The following TCEA2 variants were observed in gnomAD, a reference collection of about 807,000 sequenced individuals.
TCEA2 encodes transcription elongation factor A protein 2.
TCEA2 carries 21 observed loss-of-function variants against 40.8 expected under a neutral mutation model. The ratio of observed to expected loss-of-function variants is 0.51; its 90% CI spans 0.36 to 0.74. The LOEUF (loss-of-function observed/expected upper bound fraction) is 0.74, where lower values mean the gene tolerates loss of function less well. TCEA2 is among the 30% of genes least tolerant of loss of function. TCEA2 has a pLI of 0.00. For missense variants in TCEA2, 326 were observed against 426.5 expected (o/e 0.76, Z 2.08); for synonymous variants, 165 against 162.7 (o/e 1.01, Z -0.11).
upstream of TCEA2, among the ~76,000 whole-genome samples, chr20:64,062,241 C>T (rs960026503): frequency 6.6e-6 from 1 of 152,212 alleles, no homozygotes; most frequent in East Asian, 1.9e-4. Flanking sequence ...GGAAACCACC[C>T]AGCATCTGCA....
chr20:64,066,239 T>C, intron 1 of TCEA2: 1 of 475,574 alleles, frequency 2.1e-6, no homozygotes, highest in Non-Finnish European at 3.8e-6. Context: ...CTTGGAATGC[T>C]TGAGGCTGCA....
At chr20:64,068,579 C>T (rs1254836051) in intron 4 of TCEA2, among the ~76,000 whole-genome samples, 1 of 152,248 alleles carries the variant, frequency 6.6e-6, no homozygotes, top group Non-Finnish European at 1.5e-5. Flanking sequence ...TCACTGCTGC[C>T]AGGGGGTGAT....
intron 4 of TCEA2, 23 bp from the exon 5 acceptor site, chr20:64,069,338 C>T: frequency 6.4e-7 from 1 of 1,555,852 alleles, no homozygotes; most frequent in Non-Finnish European, 8.7e-7. Context: ...AGTCTGAACC[C>T]AGCTGGCCCT....
chr20:64,059,094 G>A (rs2059514259), upstream of TCEA2, among the ~76,000 whole-genome samples: 1 of 150,896 alleles, frequency 6.6e-6, no homozygotes, highest in Non-Finnish European at 1.5e-5. Context: ...TTGGGAGGCT[G>A]AGACAAGAGA....
rs1279895524 is a variant in TCEA2 at position 64,063,280 on chromosome 20, G to A, written c.-33G>A. The stretch of plus-strand genomic sequence containing the variant: ...GTCCTGCCCGGCTGCGGAGGCGGGC[G>A]CGACGGGCGCGGGGGTCGCTGCTCC... On this transcript the variant is annotated 5_prime_UTR_variant, in exon 1 of 10. Coordinates refer to ENST00000343484, the MANE Select transcript of TCEA2 (RefSeq NM_003195.6). The A allele has an allele frequency of 2.6e-6, 4 of 1,509,518 alleles. No homozygotes were observed. Among genetic ancestry groups the A allele is most frequent in the Non-Finnish European group, 3.5e-6 (4 of 1,131,626 alleles). The allele number at this position is 1,509,518 out of a possible 1,614,324, so 93.5% of individuals were successfully genotyped here. A position where few individuals can be genotyped will look rare whatever the true frequency, so the allele number is the denominator to read the frequency against.
Position 64,066,991 on chromosome 20 carries a change from C to A in TCEA2, c.212C>A (p.Ser71Tyr). 1 of 1,613,636 alleles carries A rather than the reference C, an allele frequency of 6.2e-7. No homozygotes were observed. The highest frequency in any genetic ancestry group is 8.5e-7 in the Non-Finnish European group (1 of 1,179,808). Residue 71 changes from serine (S) to tyrosine (Y), a missense_variant, in exon 3 of 10, where the codon TCT (serine) becomes TAT (tyrosine). Coordinates refer to ENST00000343484, the MANE Select transcript of TCEA2 (RefSeq NM_003195.6). ...GAGGAGGTCATTGCACTGGCCAAGT[C>A]TCTCATCAAGTCCTGGAAGAAGCTC... ...SDEEVIALAK[S>Y]LIKSWKKLLD...
At chr20:64,063,716 G>A (rs1194609655) in intron 1 of TCEA2, 3 of 325,352 alleles carry the variant, frequency 9.2e-6, no homozygotes, top group Non-Finnish European at 1.1e-5. Context: ...CAGACCCCCA[G>A]CCTGGCCCGT....
At position 64,069,443 on chromosome 20, in the gene TCEA2, G is replaced by A. The variant is rs762276697; in HGVS notation, c.412G>A (p.Val138Met). 1.4e-5 allele frequency: 23 copies of A among 1,613,286 alleles called. No individual in the cohort carries two copies. Among genetic ancestry groups the A allele is most frequent in the Non-Finnish European group, 1.4e-5 (17 of 1,179,962 alleles). The change falls in exon 5 of 10, where the codon GTG (valine) becomes ATG (methionine). Residue 138 changes from valine (V) to methionine (M), a missense_variant. By Grantham distance (21) the Val-to-Met change is conservative (BLOSUM62 1). Coordinates refer to ENST00000343484, the MANE Select transcript of TCEA2 (RefSeq NM_003195.6). Reference protein sequence around the residue: ...FPPVPVTCDAVRNKCREMLTA... With the variant: ...FPPVPVTCDAMRNKCREMLTA... The stretch of plus-strand genomic sequence containing the variant: ...TCCGGTGCCTGTCACCTGTGATGCC[G>A]TGCGCAACAAGTGCCGCGAGATGCT...
Position 64,066,896 on chromosome 20 carries a change from C to T in TCEA2, c.136-19C>T. 6.2e-7 allele frequency: 1 copy of T among 1,612,508 alleles called. No homozygotes were observed. The highest frequency in any genetic ancestry group is 8.5e-7 in the Non-Finnish European group (1 of 1,179,136). On this transcript the variant is annotated intron_variant, in intron 2 of 9. Transcript: ENST00000343484. ...GGGTGGGCCCCTGCCTCCCCCAACC[C>T]AGACCACTTGCCTCGTAGTCCACCC... is the stretch of plus-strand genomic sequence containing the variant.
intron 5 of TCEA2, 78 bp downstream of exon 5, chr20:64,069,569 C>A: frequency 1.3e-6 from 2 of 1,571,342 alleles, no homozygotes; most frequent in South Asian, 1.2e-5. Context: ...CCCGCAGAGG[C>A]CTGCTTCCAG....
At chr20:64,056,596 G>A (rs2059475908), upstream of TCEA2, among the ~76,000 whole-genome samples, 1 of 152,152 alleles carries the variant, frequency 6.6e-6, no homozygotes, top group Non-Finnish European at 1.5e-5. Flanking sequence ...AGCAAGGGGG[G>A]CTCCGTGTGA....
In TCEA2 at chr20:64,066,901, C is replaced by T. The variant is rs773157754; in HGVS notation, c.136-14C>T. 1 of 1,612,936 alleles carries T rather than the reference C, an allele frequency of 6.2e-7. No homozygotes were observed. Among genetic ancestry groups the T allele is most frequent in the Non-Finnish European group, 8.5e-7 (1 of 1,179,364 alleles). ...GGCCCCTGCCTCCCCCAACCCAGAC[C>T]ACTTGCCTCGTAGTCCACCCGAGTC... is the stretch of plus-strand genomic sequence containing the variant. On this transcript the variant is annotated splice_polypyrimidine_tract_variant and intron_variant, in intron 2 of 9. Coordinates refer to ENST00000343484, the MANE Select transcript of TCEA2 (RefSeq NM_003195.6).
intron 8 of TCEA2, 30 bp downstream of exon 8, chr20:64,070,665 G>A: frequency 6.6e-7 from 1 of 1,516,036 alleles, no homozygotes; most frequent in East Asian, 2.5e-5. Flanking sequence ...CCTCCCCCGG[G>A]CCCGGTGTCT....
Position 64,070,500 on chromosome 20 carries a change from T to G in TCEA2, c.684T>G (p.Ser228Arg). The change falls in exon 8 of 10, where the codon AGT becomes AGG. Residue 228 changes from serine to arginine, a missense_variant. Coordinates refer to ENST00000343484, the MANE Select transcript of TCEA2 (RefSeq NM_003195.6). ...IAVMTSEEMASDELKEIRKAM... is the reference protein window; with the variant it reads ...IAVMTSEEMARDELKEIRKAM... ...GCCCCGTGCTCCAGGAGATGGCCAG[T>G]GATGAGCTGAAGGAGATCCGTAAGG... 6.2e-7 allele frequency: 1 copy of G among 1,613,688 alleles called. No individual in the cohort carries two copies. Among genetic ancestry groups the G allele is most frequent in the Non-Finnish European group, 8.5e-7 (1 of 1,179,980 alleles).
chr20:64,060,613 C>T (rs1317626366), upstream of TCEA2, among the ~76,000 whole-genome samples: 1 of 152,120 alleles, frequency 6.6e-6, no homozygotes, highest in Non-Finnish European at 1.5e-5. Context: ...ATTCTGACCA[C>T]GAGGACTTGC....
intron 4 of TCEA2, 134 bp from the exon 5 acceptor site, chr20:64,069,227 T>TG: frequency 7.4e-7 from 1 of 1,348,494 alleles, no homozygotes. Context: ...AGGCCACTGT[T>TG]GGACTCTGGC....
At chr20:64,066,830 G>A in intron 2 of TCEA2, 85 bp from the exon 3 acceptor site, 2 of 1,371,850 alleles carry the variant, frequency 1.5e-6, no homozygotes, top group East Asian at 2.5e-5. Context: ...CTCCTGTCCT[G>A]TGGGGGCCAC....
At chr20:64,061,009 C>T (rs2059552457), upstream of TCEA2, among the ~76,000 whole-genome samples, 1 of 150,576 alleles carries the variant, frequency 6.6e-6, no homozygotes, top group South Asian at 2.1e-4. Flanking sequence ...CCCTGTTGCC[C>T]AGGCTGGTCT....
upstream of TCEA2, chr20:64,063,125 C>A: frequency 2.8e-6 from 1 of 355,072 alleles, no homozygotes; most frequent in South Asian, 1.2e-4. Context: ...GGCAGGCGGG[C>A]GCGTGGACTA....
Sources: allele counts gnomAD v4.1 joint callset (sites outside exome capture counted in the v4.1 genomes callset), GRCh38; gene constraint gnomAD v4.1.1; transcripts MANE v1.5; gene names NCBI Gene and HGNC (gene_info 2026-07-23, HGNC 2026-07-21).